The following TRPC4 variants were observed in gnomAD, a reference collection of about 807,000 sequenced individuals.
TRPC4 encodes the protein short transient receptor potential channel 4.
A neutral mutation model predicts 99.4 loss-of-function variants in TRPC4; 49 were observed. The ratio of observed to expected loss-of-function variants is 0.49; its 90% CI spans 0.39 to 0.63. TRPC4 has a LOEUF of 0.63. Ranked by LOEUF, TRPC4 falls within the 20% of genes least tolerant of loss-of-function variation. The probability of loss-of-function intolerance (pLI) is 0.00; values close to 1 mark genes in which losing one functional copy is unlikely to be tolerated. For missense variants in TRPC4, 898 were observed against 1,152.9 expected (o/e 0.78, Z 3.20); for synonymous variants, 454 against 425.9 (o/e 1.07, Z -0.81).
At chr13:37,638,270 G>A (rs542093422) in intron 10 of TRPC4, among the ~76,000 whole-genome samples, 1 of 151,968 alleles carries the variant, frequency 6.6e-6, no homozygotes, top group African/African-American at 2.4e-5. Context: ...AAAGCAACAT[G>A]AATCATTTAA....
At chr13:37,684,254 T>C (rs1053416107) in intron 4 of TRPC4, among the ~76,000 whole-genome samples, 2 of 152,222 alleles carry the variant, frequency 1.3e-5, no homozygotes, top group Non-Finnish European at 2.9e-5. Flanking sequence ...ATGTTAAATA[T>C]TCTTAGTTGG....
At chr13:37,679,146 G>C (rs554571890) in intron 4 of TRPC4, among the ~76,000 whole-genome samples, 2 of 152,002 alleles carry the variant, frequency 1.3e-5, no homozygotes, top group Non-Finnish European at 2.9e-5. Context: ...AAATAATTTA[G>C]GCTTTGCAAT....
At chr13:37,744,479 GTTCAC>G (rs1429325676) in intron 3 of TRPC4, among the ~76,000 whole-genome samples, 1 of 152,100 alleles carries the variant, frequency 6.6e-6, no homozygotes, top group Admixed American at 6.6e-5. Flanking sequence ...AAAAGAAGCT[GTTCAC>G]TTCAGTATTA....
intron 9 of TRPC4, 57 bp downstream of exon 9, chr13:37,639,201 G>T (rs868831395): frequency 8.7e-6 from 14 of 1,612,448 alleles, no homozygotes; most frequent in Admixed American, 1.7e-5. Context: ...AGTTCTGAAG[G>T]GGGGACTGCA....
At position 37,764,585 on chromosome 13, in the gene TRPC4, C is replaced by T. The variant is rs143311524; in HGVS notation, c.379-18130G>A. ...TTGGTTTTGTTCAAACCAGGGCCTC[C>T]GGTAGAGTTGCATAAAAAGTAATAA... On this transcript the variant is annotated intron_variant, in intron 2 of 10. Transcript: ENST00000379705. Among the ~76,000 whole-genome samples, 243 of 151,286 alleles carry T rather than the reference C, an allele frequency of 1.6e-3. 11 individuals carry two copies. In the East Asian group the frequency reaches 0.043, roughly 26 times the overall value.
At chr13:37,787,287 C>G (rs1462427668) in intron 1 of TRPC4, among the ~76,000 whole-genome samples, 1 of 151,918 alleles carries the variant, frequency 6.6e-6, no homozygotes, top group East Asian at 1.9e-4. Flanking sequence ...CAGTAAGAAA[C>G]AACTCCTATT....
At chr13:37,733,189 C>G (rs145257538) in intron 3 of TRPC4, among the ~76,000 whole-genome samples, 2 of 152,118 alleles carry the variant, frequency 1.3e-5, no homozygotes, top group Admixed American at 6.6e-5. Context: ...GGGAAGATCA[C>G]TTGAGCCCAG....
intron 3 of TRPC4, among the ~76,000 whole-genome samples, chr13:37,716,118 C>A (rs1055094630): frequency 2.0e-5 from 3 of 150,480 alleles, no homozygotes. Flanking sequence ...TTTTTTTTCT[C>A]CTTGCTGCAA....
chr13:37,696,154 A>T (rs1255796993), intron 3 of TRPC4, among the ~76,000 whole-genome samples: 1 of 152,108 alleles, frequency 6.6e-6, no homozygotes, highest in Admixed American at 6.5e-5. Context: ...TTGTGCAGGG[A>T]AACTCCCCTT....
At chr13:37,867,386 A>G (rs549108984) in intron 1 of TRPC4, among the ~76,000 whole-genome samples, 2 of 152,072 alleles carry the variant, frequency 1.3e-5, no homozygotes, top group African/African-American at 2.4e-5. Flanking sequence ...ATTGCTATAA[A>G]TAATCCTGGC....
At chr13:37,800,455 G>C (rs1272885082) in intron 1 of TRPC4, among the ~76,000 whole-genome samples, 1 of 152,054 alleles carries the variant, frequency 6.6e-6, no homozygotes, top group Admixed American at 6.6e-5. Context: ...GATCAGCTAG[G>C]TTCATAGTTT....
chr13:37,775,069 A>T (rs1956660739), intron 2 of TRPC4, among the ~76,000 whole-genome samples: 1 of 151,656 alleles, frequency 6.6e-6, no homozygotes, highest in African/African-American at 2.4e-5. Context: ...TAATAAAATG[A>T]CCCCACAAAA....
intron 2 of TRPC4, among the ~76,000 whole-genome samples, chr13:37,764,720 T>C (rs754794503): frequency 5.1e-4 from 77 of 151,360 alleles, no homozygotes; most frequent in Non-Finnish European, 7.8e-4. Flanking sequence ...AGTTAAGGAA[T>C]ATCTTTTGTC....
rs1301099597 is a variant in TRPC4, at chr13:37,649,752, AAAAAAAAACAAC to A, written c.2079+1501_2079+1512del. Among the ~76,000 whole-genome samples, 971 of 137,780 alleles carry A rather than the reference AAAAAAAAACAAC, an allele frequency of 7.0e-3. 24 individuals carry two copies. Among genetic ancestry groups the A allele is most frequent in the Non-Finnish European group, 0.013 (802 of 60,496 alleles). The allele number at this position is 137,780 out of a possible 152,430, so 90.4% of individuals were successfully genotyped here. A position where few individuals can be genotyped will look rare whatever the true frequency, so the allele number is the denominator to read the frequency against. ...GTCTCAAAAAAAAAAAAAAAAAAAA[AAAAAAAAACAAC>A]AACAAAGAACTAAGCTATTACATTT... On this transcript the variant is annotated intron_variant, in intron 8 of 10. Transcript: ENST00000379705.
chr13:37,781,162 A>G (rs928536113), intron 2 of TRPC4, among the ~76,000 whole-genome samples: 31 of 152,126 alleles, frequency 2.0e-4, no homozygotes, highest in Non-Finnish European at 3.5e-4. Context: ...GTCATTGACT[A>G]AAGAGACACT....
At chr13:37,790,446 A>C (rs1957088126) in intron 1 of TRPC4, among the ~76,000 whole-genome samples, 1 of 152,162 alleles carries the variant, frequency 6.6e-6, no homozygotes, top group Non-Finnish European at 1.5e-5. Flanking sequence ...ATTCCCTAAA[A>C]GTTTTGCTCA....
intron 2 of TRPC4, among the ~76,000 whole-genome samples, chr13:37,753,939 G>C (rs1161613345): frequency 1.3e-5 from 2 of 152,076 alleles, no homozygotes; most frequent in Non-Finnish European, 2.9e-5. Context: ...TTCCAGGGAA[G>C]CCGAGCCTGC....
chr13:37,780,150 A>T (rs549443031), intron 2 of TRPC4, among the ~76,000 whole-genome samples: 100 of 152,222 alleles, frequency 6.6e-4, no homozygotes, highest in African/African-American at 2.2e-3. Context: ...AGACAAATTC[A>T]TCTGAAATCT....
At chr13:37,674,407 T>C (rs965079450) in intron 4 of TRPC4, 40 bp from the exon 5 acceptor site, 6 of 1,578,138 alleles carry the variant, frequency 3.8e-6, no homozygotes, top group Non-Finnish European at 4.3e-6. Flanking sequence ...ATGATTTCAA[T>C]AGAATCACTA....
Sources: allele counts gnomAD v4.1 joint callset (sites outside exome capture counted in the v4.1 genomes callset), GRCh38; gene constraint gnomAD v4.1.1; transcripts MANE v1.5; gene names NCBI Gene and HGNC (gene_info 2026-07-23, HGNC 2026-07-21).